CHST11: variants seen among roughly 807,000 people sequenced by gnomAD.
CHST11 encodes the protein carbohydrate sulfotransferase 11.
CHST11 carries 9 observed loss-of-function variants against 30.4 expected under a neutral mutation model. The observed-to-expected ratio is 0.30, with a 90% confidence interval of 0.18 to 0.52. The LOEUF is 0.52. CHST11 is among the 20% of genes least tolerant of loss of function. The pLI, the probability that CHST11 is intolerant of heterozygous loss-of-function variation, is 0.97. For synonymous variants in CHST11, 152 were observed against 187.8 expected (o/e 0.81, Z 1.56); for missense variants, 348 against 460.6 (o/e 0.76, Z 2.24).
Position 104,600,814 on chromosome 12 carries a change from G to C in CHST11, c.119-1092G>C, listed in dbSNP as rs1466624875. Among the ~76,000 whole-genome samples the C allele has an allele frequency of 6.6e-6, 1 of 152,132 alleles. No individual in the cohort carries two copies. Among genetic ancestry groups the C allele is most frequent in the Non-Finnish European group, 1.5e-5 (1 of 68,022 alleles). On this transcript the variant is annotated intron_variant, in intron 1 of 2. Transcript: ENST00000303694. The surrounding 1 kb of genome is among the most constrained non-coding windows in gnomAD (Gnocchi z 4.1). ...CATAAGAAAACTGCCTCGTACTTGA[G>C]AAGAAAGCCCCATTTATTCTTCCCC...
intron 1 of CHST11, among the ~76,000 whole-genome samples, chr12:104,580,500 A>G (rs2038732595): frequency 6.6e-6 from 1 of 152,250 alleles, no homozygotes; most frequent in East Asian, 1.9e-4. Context: ...GATAAATTAA[A>G]GGCAAAATAA....
intron 1 of CHST11, among the ~76,000 whole-genome samples, chr12:104,526,626 T>C (rs1041894621): frequency 2.6e-5 from 4 of 152,190 alleles, no homozygotes; most frequent in African/African-American, 7.2e-5. Flanking sequence ...AGAGCGCCAG[T>C]TCTTCCACTC....
At chr12:104,522,426 G>A (rs556240004) in intron 1 of CHST11, among the ~76,000 whole-genome samples, 1 of 152,182 alleles carries the variant, frequency 6.6e-6, no homozygotes, top group African/African-American at 2.4e-5. Context: ...GGAGGTCCGA[G>A]CTTTCAAGAC....
chr12:104,707,536 T>C (rs1247367691), intron 2 of CHST11, among the ~76,000 whole-genome samples: 1 of 152,260 alleles, frequency 6.6e-6, no homozygotes, highest in Non-Finnish European at 1.5e-5. Context: ...CTAAGTTTTC[T>C]CAGCCTAGAT....
intron 1 of CHST11, among the ~76,000 whole-genome samples, chr12:104,508,248 G>C (rs1296758749): frequency 6.6e-6 from 1 of 152,172 alleles, no homozygotes; most frequent in Non-Finnish European, 1.5e-5. Flanking sequence ...GGGTCAGACT[G>C]TTTGGGTTTA....
rs1360796766 is a variant in CHST11 at position 104,556,285 on chromosome 12, G to T, written c.119-45621G>T. Among the ~76,000 whole-genome samples the T allele has an allele frequency of 2.0e-5, 3 of 152,178 alleles. No individual in the cohort carries two copies. The East Asian group carries it at 5.8e-4, about 29-fold the overall frequency. On this transcript the variant is annotated intron_variant, in intron 1 of 2. Coordinates refer to ENST00000303694, the MANE Select transcript of CHST11 (RefSeq NM_018413.6). ...CAGGAGACTTATTCTAGGTGGTTCA[G>T]CTGGCTCCAAAGCCCCCCTTTTCCC...
At chr12:104,576,491 T>A (rs1280888650) in intron 1 of CHST11, among the ~76,000 whole-genome samples, 1 of 152,164 alleles carries the variant, frequency 6.6e-6, no homozygotes, top group Non-Finnish European at 1.5e-5. Context: ...GAACCATATA[T>A]ATGAGCCTGT....
chr12:104,511,319 C>T (rs574151516), intron 1 of CHST11, among the ~76,000 whole-genome samples: 1 of 152,324 alleles, frequency 6.6e-6, no homozygotes, highest in South Asian at 2.1e-4. Context: ...ATGTTTCCCA[C>T]TTGCGAGGCT....
chr12:104,617,463 C>A (rs1270856985), intron 2 of CHST11, among the ~76,000 whole-genome samples: 1 of 152,134 alleles, frequency 6.6e-6, no homozygotes, highest in Non-Finnish European at 1.5e-5. Context: ...ATACCTGGTG[C>A]AGCAAATCTC....
At chr12:104,489,018 C>T (rs2037718654) in intron 1 of CHST11, among the ~76,000 whole-genome samples, 1 of 151,942 alleles carries the variant, frequency 6.6e-6, no homozygotes, top group Non-Finnish European at 1.5e-5. Context: ...TTTCTGTGTC[C>T]TAATTTCTTC....
At chr12:104,478,242 A>G (rs1008525072) in intron 1 of CHST11, among the ~76,000 whole-genome samples, 1 of 152,156 alleles carries the variant, frequency 6.6e-6, no homozygotes, top group African/African-American at 2.4e-5. Flanking sequence ...TCTGTTACTT[A>G]TATCTCCAGA....
At chr12:104,550,194 G>C (rs1015416858) in intron 1 of CHST11, among the ~76,000 whole-genome samples, 3 of 152,320 alleles carry the variant, frequency 2.0e-5, no homozygotes, top group African/African-American at 7.2e-5. Context: ...ACGACCCCCA[G>C]TGCAGGAGTA....
intron 2 of CHST11, among the ~76,000 whole-genome samples, chr12:104,690,595 G>T (rs1176900911): frequency 6.6e-6 from 1 of 152,200 alleles, no homozygotes; most frequent in Non-Finnish European, 1.5e-5. Flanking sequence ...GGAGGCCGAG[G>T]AGGGTGGATC....
chr12:104,726,064 T>C (rs990541399), intron 2 of CHST11, among the ~76,000 whole-genome samples: 5 of 152,106 alleles, frequency 3.3e-5, no homozygotes, highest in African/African-American at 9.7e-5. Context: ...AGGCCTATGG[T>C]GAATAGGCCT....
chr12:104,563,036 GTTGT>G lies in CHST11; in HGVS notation c.119-38851_119-38848del, dbSNP rs763825096. On this transcript the variant is annotated intron_variant, in intron 1 of 2. Transcript: ENST00000303694. The stretch of plus-strand genomic sequence containing the variant: ...TTGTGAAGTGGTTTTTTTTGTTGTT[GTTGT>G]TTGTTTGTTTGTTTGTTTTAGATGT... 1.3e-3 allele frequency among the ~76,000 whole-genome samples: 199 copies of G among 152,034 alleles called. 2 individuals carry two copies. In the East Asian group the frequency reaches 0.031, roughly 23 times the overall value.
intron 2 of CHST11, among the ~76,000 whole-genome samples, chr12:104,719,673 C>T (rs1338675184): frequency 6.6e-6 from 1 of 152,236 alleles, no homozygotes; most frequent in African/African-American, 2.4e-5. Context: ...TAAACACCCC[C>T]TCTTAGCTGG....
At chr12:104,734,098 G>A (rs778817416) in intron 2 of CHST11, among the ~76,000 whole-genome samples, 5 of 152,234 alleles carry the variant, frequency 3.3e-5, no homozygotes, top group South Asian at 2.1e-4. Flanking sequence ...GCCAGCTTCC[G>A]CCAGCAGAGC....
At chr12:104,754,533 A>C (rs2040459367) in intron 2 of CHST11, among the ~76,000 whole-genome samples, 1 of 152,232 alleles carries the variant, frequency 6.6e-6, no homozygotes, top group Admixed American at 6.5e-5. Flanking sequence ...CGTGAAGGCT[A>C]GGAACTGCAG....
chr12:104,489,631 A>G (rs2037725698), intron 1 of CHST11, among the ~76,000 whole-genome samples: 1 of 152,076 alleles, frequency 6.6e-6, no homozygotes, highest in African/African-American at 2.4e-5. Context: ...GGCATGCACC[A>G]CCACGCCCAG....
Sources: allele counts gnomAD v4.1 joint callset (sites outside exome capture counted in the v4.1 genomes callset), GRCh38; gene constraint gnomAD v4.1.1; non-coding constraint Gnocchi (gnomAD v3.1); transcripts MANE v1.5; gene names NCBI Gene and HGNC (gene_info 2026-07-23, HGNC 2026-07-21).